Variants in FBXO25 observed in about 807,000 individuals in gnomAD.
FBXO25 encodes the protein F-box protein 25, also known as F-box only protein 25.
In FBXO25, 45 loss-of-function variants were observed where a neutral mutation model predicts 51.9. The ratio of observed to expected loss-of-function variants is 0.87; its 90% CI spans 0.68 to 1.11. The LOEUF is 1.11. Among genes scored for constraint, FBXO25 ranks in the 50% most tolerant of loss-of-function variants. FBXO25 has a pLI of 0.00. For missense variants in FBXO25, 507 were observed against 428.5 expected, an observed-to-expected ratio of 1.18 and a Z score of -1.62; for synonymous variants, 199 against 151.0, an observed-to-expected ratio of 1.32 and a Z score of -2.33.
chr8:471,459 C>A lies in FBXO25; in HGVS notation c.*2655C>A, dbSNP rs1406620269. On this transcript the variant is annotated 3_prime_UTR_variant, in exon 10 of 10. Coordinates refer to ENST00000350302, the MANE Select transcript of FBXO25 (RefSeq NM_183420.2). ...GGGCCTTCCAAAAGTAGGGATGCCA[C>A]TCCTGTGAGATTAAGTTACATTCTG... 2 of 152,178 alleles carry A rather than the reference C, an allele frequency of 1.3e-5. No homozygotes were observed. Among genetic ancestry groups the A allele is most frequent in the Admixed American group, 1.3e-4 (2 of 15,280 alleles). The allele number at this position is 152,178 out of a possible 1,614,324, so 9.4% of individuals were successfully genotyped here.
At chr8:437,095 A>T (rs543571994) in intron 5 of FBXO25, among the ~76,000 whole-genome samples, 1 of 152,154 alleles carries the variant, frequency 6.6e-6, no homozygotes. Flanking sequence ...ACATACTACT[A>T]TAATTTGCTG....
At chr8:440,612 A>T (rs1798368792) in intron 5 of FBXO25, among the ~76,000 whole-genome samples, 1 of 151,850 alleles carries the variant, frequency 6.6e-6, no homozygotes, top group Non-Finnish European at 1.5e-5. Flanking sequence ...TTATACTTTA[A>T]GTTCTGGTAT....
At chr8:417,618 G>A (rs1796887929) in intron 2 of FBXO25, among the ~76,000 whole-genome samples, 1 of 152,172 alleles carries the variant, frequency 6.6e-6, no homozygotes, top group African/African-American at 2.4e-5. Context: ...CAGAAGCACA[G>A]TGTCACAGGT....
rs1800490640 is a variant in FBXO25 at position 471,684 on chromosome 8, T to C, written c.*2880T>C. 1 of 152,174 alleles carries C rather than the reference T, an allele frequency of 6.6e-6. No homozygotes were observed. 9.4% of individuals were successfully genotyped at this position (152,174 alleles called of 1,614,324 possible). A position where few individuals can be genotyped will look rare whatever the true frequency, so the allele number is the denominator to read the frequency against. ...TCTTGACACCCAGTTACAACTTCCT[T>C]TTGCCTATTTTGAGTCAAAAAGTCA... On this transcript the variant is annotated 3_prime_UTR_variant, in exon 10 of 10. Coordinates refer to ENST00000350302, the MANE Select transcript of FBXO25 (RefSeq NM_183420.2).
chr8:415,161 G>A (rs1000423322), intron 2 of FBXO25, among the ~76,000 whole-genome samples: 8 of 152,162 alleles, frequency 5.3e-5, no homozygotes, highest in African/African-American at 1.9e-4. Context: ...ATTTAAGGTG[G>A]GCTTTCAAAA....
chr8:426,560 C>T (rs1585027030), intron 2 of FBXO25, among the ~76,000 whole-genome samples: 4 of 152,104 alleles, frequency 2.6e-5, no homozygotes, highest in Non-Finnish European at 1.5e-5. Flanking sequence ...GTGTGGTGGT[C>T]CAAGTGGCAC....
intron 9 of FBXO25, among the ~76,000 whole-genome samples, chr8:463,802 C>A (rs555372075): frequency 2.0e-5 from 3 of 152,238 alleles, no homozygotes; most frequent in Admixed American, 1.3e-4. Context: ...GAGGTAACTG[C>A]TTATTTCTTT....
chr8:472,002 A>G lies in FBXO25; in HGVS notation c.*3198A>G, dbSNP rs1563106190. On this transcript the variant is annotated 3_prime_UTR_variant, in exon 10 of 10. Transcript: ENST00000350302. ...TGTAGATTCCTGATGCTGTGTACAA[A>G]ATCATGTCATCTATGAATAGACAGT... is the stretch of plus-strand genomic sequence containing the variant. 1 of 152,214 alleles carries G rather than the reference A, an allele frequency of 6.6e-6. No individual in the cohort carries two copies. Among genetic ancestry groups the G allele is most frequent in the Non-Finnish European group, 1.5e-5 (1 of 68,038 alleles). 9.4% of individuals were successfully genotyped at this position (152,214 alleles called of 1,614,324 possible). A position where few individuals can be genotyped will look rare whatever the true frequency, so the allele number is the denominator to read the frequency against.
chr8:438,620 T>C (rs1798238165), intron 5 of FBXO25, among the ~76,000 whole-genome samples: 1 of 152,156 alleles, frequency 6.6e-6, no homozygotes. Flanking sequence ...TTTTGTTCAC[T>C]GTCCAGGGGC....
At chr8:421,882 C>T (rs979464747) in intron 2 of FBXO25, among the ~76,000 whole-genome samples, 4 of 151,984 alleles carry the variant, frequency 2.6e-5, no homozygotes, top group Non-Finnish European at 5.9e-5. Flanking sequence ...GCAGTTTGAG[C>T]CACAGGATAG....
chr8:453,375 T>C (rs1370225134), intron 7 of FBXO25, among the ~76,000 whole-genome samples: 1 of 152,124 alleles, frequency 6.6e-6, no homozygotes, highest in East Asian at 1.9e-4. Flanking sequence ...TGTGCCTCTG[T>C]GAGGATCTTG....
At position 472,966 on chromosome 8, in the gene FBXO25, T is replaced by C. The variant is rs1800529112; in HGVS notation, c.*4162T>C. The stretch of plus-strand genomic sequence containing the variant: ...CCTCCCTTTAGTCCCTATCAAATGC[T>C]ACCCAATGGCAAAGCCAAGGGATTA... On this transcript the variant is annotated 3_prime_UTR_variant, in exon 10 of 10. Transcript: ENST00000350302. 1 of 152,298 alleles carries C rather than the reference T, an allele frequency of 6.6e-6. No homozygotes were observed. The highest frequency in any genetic ancestry group is 1.5e-5 in the Non-Finnish European group (1 of 68,082). The allele number at this position is 152,298 out of a possible 1,614,324, so 9.4% of individuals were successfully genotyped here. A position where few individuals can be genotyped will look rare whatever the true frequency, so the allele number is the denominator to read the frequency against.
intron 7 of FBXO25, among the ~76,000 whole-genome samples, 182 bp downstream of exon 7, chr8:451,635 A>G (rs10090308): frequency 0.17 from 25,218 of 152,210 alleles, 2,215 homozygotes; most frequent in African/African-American, 0.22. Flanking sequence ...TATAGTTGCT[A>G]TTGGAAAGAC....
chr8:423,688 T>G (rs565261799), intron 2 of FBXO25, among the ~76,000 whole-genome samples: 14 of 152,358 alleles, frequency 9.2e-5, no homozygotes, highest in African/African-American at 3.4e-4. Flanking sequence ...TTATCCAGTC[T>G]ACCATTGATG....
intron 9 of FBXO25, chr8:467,794 G>A (rs989211801): frequency 6.2e-7 from 1 of 1,608,256 alleles, no homozygotes; most frequent in Non-Finnish European, 8.5e-7. Context: ...TGAAAACGTT[G>A]CATCGTGCTG....
At chr8:448,335 G>A (rs1272053249) in intron 5 of FBXO25, among the ~76,000 whole-genome samples, 2 of 152,226 alleles carry the variant, frequency 1.3e-5, no homozygotes, top group Non-Finnish European at 2.9e-5. Flanking sequence ...AAACTCTGAA[G>A]ATGAAGCAAG....
chr8:444,478 A>G (rs1255587364), intron 5 of FBXO25, among the ~76,000 whole-genome samples: 1 of 152,098 alleles, frequency 6.6e-6, no homozygotes. Flanking sequence ...GGCCTTTAAG[A>G]TCTCTAATTC....
At chr8:429,587 C>T (rs1195014047) in intron 2 of FBXO25, among the ~76,000 whole-genome samples, 1 of 152,204 alleles carries the variant, frequency 6.6e-6, no homozygotes, top group Admixed American at 6.5e-5. Flanking sequence ...ATTTAAATTT[C>T]AGAAGCATTC....
intron 7 of FBXO25, among the ~76,000 whole-genome samples, chr8:454,629 C>G (rs544947928): frequency 6.6e-6 from 1 of 152,290 alleles, no homozygotes; most frequent in Non-Finnish European, 1.5e-5. Flanking sequence ...CGATGGCTCA[C>G]GCCAGTAGTC....
Sources: gnomAD v4.1 joint callset for allele counts (sites outside exome capture counted in the v4.1 genomes callset) on GRCh38, gnomAD v4.1.1 for gene constraint, MANE v1.5 for transcripts, NCBI Gene and HGNC (gene_info 2026-07-23, HGNC 2026-07-21) for gene names.